The following DYNC1I1 variants were observed in gnomAD, a reference collection of about 807,000 sequenced individuals.
DYNC1I1 encodes dynein cytoplasmic 1 intermediate chain 1, also known as cytoplasmic dynein 1 intermediate chain 1.
A neutral mutation model predicts 86.6 loss-of-function variants in DYNC1I1; 43 were observed. The observed-to-expected ratio is 0.50, with a 90% CI of 0.39 to 0.64. The LOEUF (loss-of-function observed/expected upper bound fraction) is 0.64. Ranked by LOEUF, DYNC1I1 falls within the 30% of genes least tolerant of loss-of-function variation. The pLI, the probability that DYNC1I1 is intolerant of heterozygous loss-of-function variation, is 0.00. For missense variants in DYNC1I1, 604 were observed against 788.8 expected, an observed-to-expected ratio of 0.77 and a Z score of 2.81; for synonymous variants, 262 against 283.7, an observed-to-expected ratio of 0.92 and a Z score of 0.77.
intron 4 of DYNC1I1, among the ~76,000 whole-genome samples, chr7:95,815,420 T>C (rs1794925320): frequency 6.6e-6 from 1 of 152,208 alleles, no homozygotes; most frequent in Non-Finnish European, 1.5e-5. Flanking sequence ...TGAAAAATGC[T>C]AGTTTTCAGA....
At chr7:95,975,631 G>T (rs191703585) in intron 6 of DYNC1I1, among the ~76,000 whole-genome samples, 55 of 152,240 alleles carry the variant, frequency 3.6e-4, no homozygotes, top group Admixed American at 3.5e-3. Context: ...AGGTACTGGG[G>T]TTTATTACTT....
At chr7:95,869,850 C>T (rs1562928476) in intron 5 of DYNC1I1, 33 bp from the exon 6 acceptor site, 1 of 1,582,322 alleles carries the variant, frequency 6.3e-7, no homozygotes. Context: ...GAATGCCTCC[C>T]CTCTCTAAGC....
rs571990749 is a variant in DYNC1I1, at chr7:96,097,876, A to G, written c.*283A>G. Reference sequence around the variant, plus strand: ...TGCCTTTTAACTACTTTGTAGCTGTATTTAATAGCTGGAAACCTCTGGTTA... The same window carrying G: ...TGCCTTTTAACTACTTTGTAGCTGTGTTTAATAGCTGGAAACCTCTGGTTA... On this transcript the variant is annotated 3_prime_UTR_variant, in exon 17 of 17. Transcript: ENST00000447467. The G allele has an allele frequency of 8.9e-7, 1 of 1,123,934 alleles. No individual in the cohort carries two copies. Among genetic ancestry groups the G allele is most frequent in the Non-Finnish European group, 1.1e-6 (1 of 913,750 alleles). 69.6% of individuals were successfully genotyped at this position (1,123,934 alleles called of 1,614,324 possible).
intron 1 of DYNC1I1, 60 bp from the exon 2 acceptor site, chr7:95,804,661 C>A: frequency 6.9e-7 from 1 of 1,441,208 alleles, no homozygotes; most frequent in Non-Finnish European, 9.2e-7. Flanking sequence ...ATGATTTTTG[C>A]AATGATATAC....
chr7:95,835,523 C>T (rs1223234413), intron 5 of DYNC1I1, among the ~76,000 whole-genome samples: 3 of 151,434 alleles, frequency 2.0e-5, no homozygotes, highest in East Asian at 2.0e-4. Flanking sequence ...TTCCTGGGTA[C>T]CCTTGTTGAC....
Position 95,810,953 on chromosome 7 carries a change from G to A in DYNC1I1, c.223+447G>A, listed in dbSNP as rs955456309. On this transcript the variant is annotated intron_variant, in intron 3 of 16. Transcript: ENST00000447467. ...ATAGAGTTAGTCTATGATGAAAATA[G>A]AAGGCACAGTGAGAATTTGAAGGAA... 3.9e-5 allele frequency among the ~76,000 whole-genome samples: 6 copies of A among 152,212 alleles called. No individual in the cohort carries two copies. The South Asian group carries it at 1.0e-3, about 26-fold the overall frequency.
At chr7:95,808,882 T>C (rs1794763173) in intron 2 of DYNC1I1, among the ~76,000 whole-genome samples, 1 of 152,310 alleles carries the variant, frequency 6.6e-6, no homozygotes, top group South Asian at 2.1e-4. Flanking sequence ...CTGTAGTAGA[T>C]ACAGATCCTC....
chr7:96,025,913 A>G (rs922354405), intron 10 of DYNC1I1, among the ~76,000 whole-genome samples: 2 of 152,170 alleles, frequency 1.3e-5, no homozygotes, highest in African/African-American at 2.4e-5. Context: ...CATTTTAAAA[A>G]ATTGAATGAC....
intron 6 of DYNC1I1, among the ~76,000 whole-genome samples, chr7:95,904,666 C>T (rs913982779): frequency 2.6e-4 from 40 of 151,970 alleles, no homozygotes; most frequent in African/African-American, 9.4e-4. Context: ...CACACATACA[C>T]ACAAAGATAT....
intron 6 of DYNC1I1, among the ~76,000 whole-genome samples, chr7:95,961,630 C>T (rs1246326498): frequency 2.0e-5 from 3 of 152,090 alleles, no homozygotes; most frequent in African/African-American, 7.2e-5. Flanking sequence ...TATTTTGAAA[C>T]CTTGAAGGTT....
chr7:96,093,224 C>G (rs1584316804), intron 16 of DYNC1I1, among the ~76,000 whole-genome samples: 1 of 152,198 alleles, frequency 6.6e-6, no homozygotes, highest in East Asian at 1.9e-4. Context: ...ACTCATAGTA[C>G]TTTCTTTACT....
intron 5 of DYNC1I1, among the ~76,000 whole-genome samples, chr7:95,831,000 G>A (rs1478933053): frequency 6.6e-6 from 1 of 152,008 alleles, no homozygotes; most frequent in African/African-American, 2.4e-5. Flanking sequence ...TTGCTTATTT[G>A]CCATATGAGT....
chr7:95,912,294 C>A (rs1791357935), intron 6 of DYNC1I1, among the ~76,000 whole-genome samples: 1 of 152,146 alleles, frequency 6.6e-6, no homozygotes, highest in African/African-American at 2.4e-5. Context: ...GCTTTGGCCT[C>A]CCAAAGTGCT....
intron 10 of DYNC1I1, among the ~76,000 whole-genome samples, chr7:96,009,769 G>A (rs952724697): frequency 2.6e-5 from 4 of 151,760 alleles, no homozygotes; most frequent in African/African-American, 9.7e-5. Flanking sequence ...CCTCATCACT[G>A]GGGCAGATGA....
At chr7:95,773,643 G>A (rs1445001221) in intron 1 of DYNC1I1, among the ~76,000 whole-genome samples, 1 of 152,158 alleles carries the variant, frequency 6.6e-6, no homozygotes, top group East Asian at 1.9e-4. Context: ...TCCTAGGTAA[G>A]GGGCAGGAAC....
intron 5 of DYNC1I1, among the ~76,000 whole-genome samples, chr7:95,850,456 A>G (rs1367139318): frequency 2.0e-5 from 3 of 152,170 alleles, no homozygotes; most frequent in African/African-American, 7.2e-5. Context: ...GCATCTATTG[A>G]AATGATCATA....
chr7:96,089,924 G>A, intron 16 of DYNC1I1, among the ~76,000 whole-genome samples: 1 of 152,138 alleles, frequency 6.6e-6, no homozygotes, highest in Admixed American at 6.6e-5. Context: ...AGGGATATGT[G>A]TTTAGTAGCT....
intron 6 of DYNC1I1, among the ~76,000 whole-genome samples, chr7:95,916,558 A>T (rs1259772889): frequency 6.6e-6 from 1 of 152,204 alleles, no homozygotes; most frequent in Non-Finnish European, 1.5e-5. Flanking sequence ...TGTTTTCCAT[A>T]TAAGGGCCGA....
At chr7:95,898,389 T>G (rs535108751) in intron 6 of DYNC1I1, among the ~76,000 whole-genome samples, 36 of 152,330 alleles carry the variant, frequency 2.4e-4, no homozygotes, top group African/African-American at 6.5e-4. Flanking sequence ...CTGGTTTAGA[T>G]AACATGACTA....
Sources: gnomAD v4.1 joint callset for allele counts (sites outside exome capture counted in the v4.1 genomes callset) on GRCh38, gnomAD v4.1.1 for gene constraint, MANE v1.5 for transcripts, NCBI Gene and HGNC (gene_info 2026-07-23, HGNC 2026-07-21) for gene names.